The following KCNU1 variants were observed in gnomAD, a reference collection of about 807,000 sequenced individuals.
KCNU1 encodes the protein potassium calcium-activated channel subfamily U member 1.
A neutral mutation model predicts 126.8 loss-of-function variants in KCNU1; 93 were observed. The ratio of observed to expected loss-of-function variants is 0.73; its 90% CI spans 0.62 to 0.87. The LOEUF is 0.87. Among genes scored for constraint, KCNU1 ranks in the 40% least tolerant of loss-of-function variants. KCNU1 has a pLI of 0.00. For missense variants in KCNU1, 1,330 were observed against 1,367.1 expected (o/e 0.97, Z 0.43); for synonymous variants, 523 against 494.2 (o/e 1.06, Z -0.77).
chr8:36,815,454 C>T (rs775115254), intron 8 of KCNU1, 142 bp from the exon 9 acceptor site: 22 of 470,634 alleles, frequency 4.7e-5, no homozygotes, highest in African/African-American at 1.2e-4. Flanking sequence ...GGAAGAAAAA[C>T]GAGGTCCCTT....
chr8:36,892,640 C>T (rs1400047441), intron 19 of KCNU1, among the ~76,000 whole-genome samples: 2 of 152,002 alleles, frequency 1.3e-5, no homozygotes, highest in Non-Finnish European at 2.9e-5. Context: ...ACTTAAATCT[C>T]TACTCAGCTT....
Position 36,807,387 on chromosome 8 carries a change from T to C in KCNU1, c.593T>C (p.Leu198Pro). ...LKSNWLGLRF[L>P]RALRLLELPQ... is the part of the protein sequence containing the mutation. ...CATTGGTTTGTAGGTTTAAGGTTCC[T>C]AAGAGCCTTGCGCCTGCTAGAACTC... is the stretch of plus-strand genomic sequence containing the variant. The change falls in exon 6 of 27, where the codon CTA becomes CCA. Residue 198 changes from leucine to proline, a missense_variant. Physicochemically the swap from Leu to Pro is moderately conservative, Grantham distance 98. Coordinates refer to ENST00000399881, the MANE Select transcript of KCNU1 (RefSeq NM_001031836.3). 1 of 1,613,400 alleles carries C rather than the reference T, an allele frequency of 6.2e-7. No individual in the cohort carries two copies. Among genetic ancestry groups the C allele is most frequent in the East Asian group, 2.2e-5 (1 of 44,858 alleles).
chr8:36,910,783 T>C (rs949770378), intron 21 of KCNU1, 147 bp from the exon 22 acceptor site: 1 of 542,912 alleles, frequency 1.8e-6, no homozygotes, highest in African/African-American at 1.9e-5. Flanking sequence ...GTGTCAGATA[T>C]GAGGTAACTA....
chr8:36,819,788 C>T (rs1388894192), intron 10 of KCNU1, among the ~76,000 whole-genome samples: 1 of 152,086 alleles, frequency 6.6e-6, no homozygotes, highest in Admixed American at 6.6e-5. Flanking sequence ...GTAGAGTTTC[C>T]TTTAACACAG....
At chr8:36,794,875 G>A (rs1803035459) in intron 2 of KCNU1, among the ~76,000 whole-genome samples, 1 of 152,090 alleles carries the variant, frequency 6.6e-6, no homozygotes, top group South Asian at 2.1e-4. Context: ...GCTGCAGGGA[G>A]CTGAGATTGC....
At position 36,935,988 on chromosome 8, in the gene KCNU1, G is replaced by A; in HGVS notation, c.*68G>A. 7.3e-7 allele frequency: 1 copy of A among 1,374,420 alleles called. No homozygotes were observed. Among genetic ancestry groups the A allele is most frequent in the Non-Finnish European group, 9.9e-7 (1 of 1,014,100 alleles). The allele number at this position is 1,374,420 out of a possible 1,614,324, so 85.1% of individuals were successfully genotyped here. A position where few individuals can be genotyped will look rare whatever the true frequency, so the allele number is the denominator to read the frequency against. On this transcript the variant is annotated 3_prime_UTR_variant, in exon 27 of 27. Transcript: ENST00000399881. ...AATCATCTCCTGAGATGCTAACTTT[G>A]AACAAAGAAAATAAGAATGGAAGCA...
intron 19 of KCNU1, among the ~76,000 whole-genome samples, chr8:36,880,936 G>C (rs1021699453): frequency 6.6e-6 from 1 of 152,146 alleles, no homozygotes; most frequent in Non-Finnish European, 1.5e-5. Flanking sequence ...TGGGCTTGGG[G>C]ATGGGACATG....
At chr8:36,880,581 T>C in intron 19 of KCNU1, among the ~76,000 whole-genome samples, 1 of 151,394 alleles carries the variant, frequency 6.6e-6, no homozygotes, top group East Asian at 2.0e-4. Context: ...GAGAAAGAGG[T>C]GGGGAAGTTG....
chr8:36,927,769 C>A (rs1393079766), intron 24 of KCNU1, among the ~76,000 whole-genome samples: 2 of 152,088 alleles, frequency 1.3e-5, no homozygotes, highest in Non-Finnish European at 2.9e-5. Context: ...TGGGCAGCAA[C>A]ATTTTCTAAC....
intron 23 of KCNU1, among the ~76,000 whole-genome samples, chr8:36,920,848 C>T (rs1186760885): frequency 6.6e-6 from 1 of 152,172 alleles, no homozygotes; most frequent in Non-Finnish European, 1.5e-5. Flanking sequence ...GAAAATAAAG[C>T]TGTTCTCAGA....
At chr8:36,832,727 C>A (rs1304971668) in intron 10 of KCNU1, among the ~76,000 whole-genome samples, 1 of 151,828 alleles carries the variant, frequency 6.6e-6, no homozygotes, top group Admixed American at 6.6e-5. Context: ...GTTCCTTTTT[C>A]ATTGTTTCTT....
At chr8:36,932,732 T>G (rs979274790) in intron 25 of KCNU1, among the ~76,000 whole-genome samples, 188 bp from the exon 26 acceptor site, 5 of 152,090 alleles carry the variant, frequency 3.3e-5, no homozygotes, top group Non-Finnish European at 7.4e-5. Context: ...AAACCATCAC[T>G]GGGATTAGAG....
intron 19 of KCNU1, among the ~76,000 whole-genome samples, chr8:36,882,861 GC>G (rs746429018): frequency 2.6e-4 from 39 of 152,220 alleles, no homozygotes; most frequent in Admixed American, 1.2e-3. Context: ...GGGATTACAG[GC>G]GTGAGCCACC....
At chr8:36,804,239 T>C (rs1273134359) in intron 3 of KCNU1, among the ~76,000 whole-genome samples, 151 bp downstream of exon 3, 2 of 152,132 alleles carry the variant, frequency 1.3e-5, no homozygotes, top group East Asian at 3.9e-4. Context: ...GTTTGGCTTC[T>C]CCCAGTAAGC....
chr8:36,892,484 T>A (rs1807004894), intron 19 of KCNU1, among the ~76,000 whole-genome samples: 1 of 148,152 alleles, frequency 6.7e-6, no homozygotes, highest in South Asian at 2.2e-4. Context: ...TTTCTATTGG[T>A]GTTCCCACCC....
chr8:36,933,308 A>G (rs1003021260), intron 26 of KCNU1, among the ~76,000 whole-genome samples: 2 of 152,230 alleles, frequency 1.3e-5, no homozygotes, highest in African/African-American at 2.4e-5. Context: ...AATCAGCTCC[A>G]TGTTTCAATT....
At chr8:36,831,593 T>G (rs1437155372) in intron 10 of KCNU1, among the ~76,000 whole-genome samples, 3 of 149,030 alleles carry the variant, frequency 2.0e-5, no homozygotes, top group African/African-American at 5.0e-5. Flanking sequence ...TTTGCCCACT[T>G]TTTGATGGGG....
intron 2 of KCNU1, among the ~76,000 whole-genome samples, chr8:36,790,653 A>T (rs1264934735): frequency 6.6e-6 from 1 of 152,070 alleles, no homozygotes; most frequent in African/African-American, 2.4e-5. Flanking sequence ...AAACAGACCA[A>T]ATATCTGGAT....
At chr8:36,831,521 A>ATT (rs1162861608) in intron 10 of KCNU1, among the ~76,000 whole-genome samples, 18 of 151,486 alleles carry the variant, frequency 1.2e-4, no homozygotes, top group Non-Finnish European at 1.0e-4. Context: ...GATGGTGAGC[A>ATT]TTTTTTCATG....
Sources: allele counts gnomAD v4.1 joint callset (sites outside exome capture counted in the v4.1 genomes callset), GRCh38; gene constraint gnomAD v4.1.1; transcripts MANE v1.5; gene names NCBI Gene and HGNC (gene_info 2026-07-23, HGNC 2026-07-21).